The following PUF60 variants were observed in gnomAD, a reference collection of about 807,000 sequenced individuals.
The protein encoded by PUF60 is poly(U) binding splicing factor 60, also known as poly(U)-binding-splicing factor PUF60.
In PUF60, 10 loss-of-function variants were observed where a neutral mutation model predicts 61.8. The ratio of observed to expected loss-of-function variants is 0.16; its 90% CI spans 0.10 to 0.27. The LOEUF (loss-of-function observed/expected upper bound fraction) is 0.27. Among genes scored for constraint, PUF60 ranks in the 10% least tolerant of loss-of-function variants. The pLI is 1.00. For synonymous variants in PUF60, 353 were observed against 300.9 expected, an observed-to-expected ratio of 1.17 and a Z score of -1.79; for missense variants, 371 against 754.0, an observed-to-expected ratio of 0.49 and a Z score of 5.95.
rs780592309 is a variant in PUF60 at position 143,817,187 on chromosome 8, C to T, written c.1145-42G>A. ...CAGGTCCATCAGTCACTCCCTACCA[C>T]CCCCCTTCCCAGAAAGGCACAGAGC... On this transcript the variant is annotated intron_variant, in intron 10 of 11. Coordinates refer to ENST00000526683, the MANE Select transcript of PUF60 (RefSeq NM_078480.3). This position sits in a 1 kb window ranked among gnomAD's most constrained non-coding sequence, Gnocchi z 7.4. 2.6e-6 allele frequency: 4 copies of T among 1,534,348 alleles called. No homozygotes were observed. Among genetic ancestry groups the T allele is most frequent in the Non-Finnish European group, 3.5e-6 (4 of 1,137,464 alleles).
At chr8:143,824,272 A>AGGCG (rs768496482) in intron 2 of PUF60, 41 bp downstream of exon 2, 2 of 1,475,252 alleles carry the variant, frequency 1.4e-6, no homozygotes, top group Non-Finnish European at 9.1e-7. Context: ...GCGGGCGGGC[A>AGGCG]GGCGGGCGGG....
In PUF60 at chr8:143,816,827, G is replaced by A; in HGVS notation, c.1381-8C>T. 3.1e-6 allele frequency: 5 copies of A among 1,610,680 alleles called. No homozygotes were observed. Among genetic ancestry groups the A allele is most frequent in the Non-Finnish European group, 4.2e-6 (5 of 1,178,230 alleles). On this transcript the variant is annotated splice_region_variant and splice_polypyrimidine_tract_variant and intron_variant, in intron 11 of 11. Coordinates refer to ENST00000526683, the MANE Select transcript of PUF60 (RefSeq NM_078480.3). ...CAGAACCATCACTGTAGACTGTGGGGCAGGGCCGAGGGGAAGACAGCTGAG... is the reference window on the plus strand; with the variant it reads ...CAGAACCATCACTGTAGACTGTGGGACAGGGCCGAGGGGAAGACAGCTGAG...
chr8:143,821,571 C>T (rs765247185), intron 4 of PUF60, 26 bp downstream of exon 4: 461 of 1,527,682 alleles, frequency 3.0e-4, no homozygotes, highest in Non-Finnish European at 3.8e-4. Context: ...GTGGGGAGGG[C>T]GGTAGAGGCT....
At position 143,824,387 on chromosome 8, in the gene PUF60, G is replaced by A. The variant is rs1220900032; in HGVS notation, c.37C>T (p.Gln13Ter). The change falls in exon 2 of 12, where the codon CAG becomes TAG. Residue 13 changes from glutamine (Q) to a stop codon, truncating the protein, a stop_gained. Transcript: ENST00000526683. LOFTEE classifies it high-confidence loss of function. ...TATIALQVNG[Q>*]QGGGSEPAAA... is the part of the protein sequence containing the mutation. ...GCCGGCTCGGACCCCCCTCCTTGCT[G>A]GCCATTGACCTGCTGCAGGCAGGAA... The A allele has an allele frequency of 6.2e-7, 1 of 1,612,032 alleles. No homozygotes were observed. Among genetic ancestry groups the A allele is most frequent in the Non-Finnish European group, 8.5e-7 (1 of 1,179,782 alleles).
chr8:143,820,828 G>A lies in PUF60; in HGVS notation c.298-112C>T, dbSNP rs915754884. The A allele has an allele frequency of 5.7e-6, 6 of 1,060,982 alleles. No homozygotes were observed. The East Asian group carries it at 1.4e-4, about 25-fold the overall frequency. 65.7% of individuals were successfully genotyped at this position (1,060,982 alleles called of 1,614,324 possible). ...CCCGGAGTCCCCGCCCTGCCAGGGAGGCCGCCTGCCTTCCCACACTGCCGG... is the reference window on the plus strand; with the variant it reads ...CCCGGAGTCCCCGCCCTGCCAGGGAAGCCGCCTGCCTTCCCACACTGCCGG... On this transcript the variant is annotated intron_variant, in intron 4 of 11. Transcript: ENST00000526683.
chr8:143,822,076 C>T (rs534944379), intron 2 of PUF60, among the ~76,000 whole-genome samples, 163 bp from the exon 3 acceptor site: 41 of 152,234 alleles, frequency 2.7e-4, no homozygotes, highest in Admixed American at 1.3e-3. Context: ...TCCCCCGGGA[C>T]CCATGGGGTA....
Position 143,817,577 on chromosome 8 carries a change from T to C in PUF60, c.1008+15A>G. ...GCCCGCCCACCCTCAAGCCGACAGC[T>C]GTGTGGGCCCTCACCTGAGCTGTGA... On this transcript the variant is annotated intron_variant, in intron 9 of 11. Coordinates refer to ENST00000526683, the MANE Select transcript of PUF60 (RefSeq NM_078480.3). The surrounding 1 kb of genome is among the most constrained non-coding windows in gnomAD (Gnocchi z 7.4). The C allele has an allele frequency of 6.2e-7, 1 of 1,610,404 alleles. No individual in the cohort carries two copies. The highest frequency in any genetic ancestry group is 8.5e-7 in the Non-Finnish European group (1 of 1,179,110).
chr8:143,821,937 A>C (rs866081464), intron 2 of PUF60, 24 bp from the exon 3 acceptor site: 2 of 1,547,322 alleles, frequency 1.3e-6, no homozygotes, highest in African/African-American at 1.4e-5. Context: ...AGGGGAATCC[A>C]TCAGCAGCAA....
At chr8:143,822,868 C>T (rs568367521) in intron 2 of PUF60, 47 of 316,876 alleles carry the variant, frequency 1.5e-4, no homozygotes, top group South Asian at 1.1e-3. Flanking sequence ...GCCCACCAAC[C>T]GGGCCCTCCG....
Position 143,818,274 on chromosome 8 carries a change from G to A in PUF60, c.522C>T (p.Phe174=), listed in dbSNP as rs556954038. ...SVTMKHKGFA[F]VEYEVPEAAQ... is the part of the protein sequence containing the mutation. The stretch of plus-strand genomic sequence containing the variant: ...CAGCTTCGGGGACCTCATACTCCAC[G>A]AAGGCAAAGCCCTAGACACAGGGAC... The change falls in exon 7 of 12, where the codon TTC becomes TTT. Residue 174 remains phenylalanine, a synonymous_variant. Coordinates refer to ENST00000526683, the MANE Select transcript of PUF60 (RefSeq NM_078480.3). This position sits in a 1 kb window ranked among gnomAD's most constrained non-coding sequence, Gnocchi z 7.9. The A allele has an allele frequency of 6.8e-6, 11 of 1,609,462 alleles. No individual in the cohort carries two copies. The highest frequency in any genetic ancestry group is 2.2e-5 in the East Asian group (1 of 44,770).
chr8:143,821,315 G>A (rs1010042276), intron 4 of PUF60: 2 of 573,066 alleles, frequency 3.5e-6, no homozygotes, highest in East Asian at 2.9e-5. Flanking sequence ...GAGACCAGAG[G>A]CCACAGTGTG....
intron 1 of PUF60, chr8:143,827,643 G>A (rs1334706766): frequency 5.7e-6 from 2 of 353,132 alleles, no homozygotes; most frequent in Non-Finnish European, 5.6e-6. Flanking sequence ...ATTAAAAGAG[G>A]AATGGGTTAG....
intron 4 of PUF60, among the ~76,000 whole-genome samples, chr8:143,821,153 G>A (rs1563832082): frequency 1.3e-5 from 2 of 152,236 alleles, no homozygotes; most frequent in African/African-American, 4.8e-5. Flanking sequence ...CCTCCAGACT[G>A]TCCCCTCAGT....
In PUF60 at chr8:143,816,964, G is replaced by A. The variant is rs1200725866; in HGVS notation, c.1326C>T (p.Ile442=). The A allele has an allele frequency of 6.2e-7, 1 of 1,600,804 alleles. No homozygotes were observed. Among genetic ancestry groups the A allele is most frequent in the Non-Finnish European group, 8.5e-7 (1 of 1,174,104 alleles). ...EMLSEQEHMS[I]SGSSARHMVM... ...CCATGTGTCGGGCGCTACTGCCCGA[G>A]ATGCTCATGTGCTCCTGCTCGCTCA... Residue 442 remains isoleucine, a synonymous_variant, in exon 11 of 12, where the codon ATC becomes ATT. Transcript: ENST00000526683.
chr8:143,821,501 C>T (rs1307061311), intron 4 of PUF60, 96 bp downstream of exon 4: 12 of 1,143,704 alleles, frequency 1.0e-5, no homozygotes, highest in Admixed American at 4.0e-5. Flanking sequence ...TAACAGCTTG[C>T]GGGGACGGCC....
intron 5 of PUF60, among the ~76,000 whole-genome samples, chr8:143,819,215 C>T (rs928048055): frequency 1.3e-5 from 2 of 152,114 alleles, no homozygotes; most frequent in East Asian, 1.9e-4. Flanking sequence ...GCCTGGCCCC[C>T]GGGGGCACCA....
rs1310992464 is a variant in PUF60, at chr8:143,821,600, C to T, written c.294G>A (p.Leu98=). ...AGAGGCTCCGGCCGGGGCTCACCTG[C>T]AGGTTGGTGAGCTGCTGCTGCTGGT... The part of the protein sequence containing the change: ...IAHQQQQLTN[L]QMAAVTMGFG... The change falls in exon 4 of 12, where the codon CTG becomes CTA. Residue 98 remains leucine, a synonymous_variant. Coordinates refer to ENST00000526683, the MANE Select transcript of PUF60 (RefSeq NM_078480.3). 4 of 1,542,620 alleles carry T rather than the reference C, an allele frequency of 2.6e-6. No homozygotes were observed. The East Asian group carries it at 9.8e-5, about 38-fold the overall frequency.
In PUF60 at chr8:143,824,401, T is replaced by C. The variant is rs776783330; in HGVS notation, c.25-2A>G. ...CCCTCCTTGCTGGCCATTGACCTGCTGCAGGCAGGAAGGAGATGTTGTAAC... is the reference window on the plus strand; with the variant it reads ...CCCTCCTTGCTGGCCATTGACCTGCCGCAGGCAGGAAGGAGATGTTGTAAC... On this transcript the variant is annotated splice_acceptor_variant, in intron 1 of 11. Transcript: ENST00000526683. LOFTEE classifies it high-confidence loss of function. 4.3e-5 allele frequency: 69 copies of C among 1,611,312 alleles called. No individual in the cohort carries two copies. The highest frequency in any genetic ancestry group is 5.8e-5 in the Non-Finnish European group (68 of 1,179,682).
intron 1 of PUF60, among the ~76,000 whole-genome samples, chr8:143,826,342 T>C (rs1817632925): frequency 6.6e-6 from 1 of 152,168 alleles, no homozygotes; most frequent in African/African-American, 2.4e-5. Flanking sequence ...CTCCAGCACT[T>C]TGGGAGACCG....
Sources: gnomAD v4.1 joint callset for allele counts (sites outside exome capture counted in the v4.1 genomes callset) on GRCh38, gnomAD v4.1.1 for gene constraint, Gnocchi (gnomAD v3.1) non-coding constraint, MANE v1.5 for transcripts, NCBI Gene and HGNC (gene_info 2026-07-23, HGNC 2026-07-21) for gene names.